The following IL13RA1 variants were observed in gnomAD, a reference collection of about 807,000 sequenced individuals.
IL13RA1 encodes the protein interleukin-13 receptor subunit alpha-1.
IL13RA1 carries 14 observed loss-of-function variants against 33.8 expected under a neutral mutation model. The ratio of observed to expected loss-of-function variants is 0.41; its 90% CI spans 0.27 to 0.65. The LOEUF (loss-of-function observed/expected upper bound fraction) is 0.65. IL13RA1 is among the 30% of genes least tolerant of loss of function. The pLI is 0.28. For missense variants in IL13RA1, 313 were observed against 327.0 expected (o/e 0.96, Z 0.33); for synonymous variants, 116 against 115.7 (o/e 1.00, Z -0.02).
chrX:118,737,716 G>C (rs2017297206), intron 1 of IL13RA1, among the ~76,000 whole-genome samples: 1 of 112,011 alleles, frequency 8.9e-6, no homozygotes, highest in Non-Finnish European at 1.9e-5. Context: ...GTTAAAGTAG[G>C]TTTTAAATTA....
chrX:118,758,369 A>T, intron 5 of IL13RA1, 127 bp downstream of exon 5: 1 of 362,796 alleles, frequency 2.8e-6, no homozygotes, highest in Non-Finnish European at 4.9e-6. Flanking sequence ...GACTATATTG[A>T]TGTATAACTT....
intron 2 of IL13RA1, among the ~76,000 whole-genome samples, chrX:118,743,290 G>T (rs1241098683): frequency 8.9e-6 from 1 of 112,018 alleles, no homozygotes; most frequent in Non-Finnish European, 1.9e-5. Context: ...ATGGCATTAT[G>T]ATAGTTTGTA....
At chrX:118,740,653 C>T (rs758166960) in intron 1 of IL13RA1, among the ~76,000 whole-genome samples, 9 of 111,847 alleles carry the variant, frequency 8.0e-5, no homozygotes, top group Non-Finnish European at 1.3e-4. Context: ...ATTAGCCAGG[C>T]GTGGTGGCAT....
At chrX:118,767,040 A>G (rs1341406241) in intron 8 of IL13RA1, 64 bp downstream of exon 8, 28 of 591,185 alleles carry the variant, frequency 4.7e-5, no homozygotes, top group Non-Finnish European at 6.9e-5. Flanking sequence ...GCTGAAGCAG[A>G]AAATAGACTG....
At chrX:118,738,246 G>A (rs768974575) in intron 1 of IL13RA1, 6 of 111,288 alleles carry the variant, frequency 5.4e-5, no homozygotes, top group African/African-American at 2.0e-4. Context: ...TAGATTAAAG[G>A]GTATATGCAC....
downstream of IL13RA1, among the ~76,000 whole-genome samples, chrX:118,797,956 C>T (rs1281739262): frequency 8.9e-6 from 1 of 112,021 alleles, no homozygotes; most frequent in Non-Finnish European, 1.9e-5. Context: ...TGCAGCCACA[C>T]TGTGCTGGAC....
At chrX:118,764,303 C>T (rs1480054606) in intron 6 of IL13RA1, among the ~76,000 whole-genome samples, 1 of 107,115 alleles carries the variant, frequency 9.3e-6, no homozygotes. Context: ...AGCCTAGAGA[C>T]GTAAATCTAC....
chrX:118,766,436 A>G (rs2017649614), intron 6 of IL13RA1, 94 bp from the exon 7 acceptor site: 1 of 486,061 alleles, frequency 2.1e-6, no homozygotes, highest in Non-Finnish European at 3.5e-6. Flanking sequence ...TTAATGGGAT[A>G]AAAGGAAAGC....
intron 4 of IL13RA1, among the ~76,000 whole-genome samples, chrX:118,755,807 G>A (rs1396714567): frequency 9.0e-6 from 1 of 111,721 alleles, no homozygotes; most frequent in Non-Finnish European, 1.9e-5. Flanking sequence ...TTGGCCATGG[G>A]CGGAAAACAT....
At chrX:118,772,883 G>C (rs960762116) in intron 8 of IL13RA1, among the ~76,000 whole-genome samples, 6 of 112,284 alleles carry the variant, frequency 5.3e-5, no homozygotes, top group African/African-American at 1.9e-4. Flanking sequence ...ATCCGTCTCA[G>C]ATCTTCTGGG....
intron 1 of IL13RA1, chrX:118,738,323 T>C (rs1489038626): frequency 8.9e-6 from 1 of 111,844 alleles, no homozygotes; most frequent in Non-Finnish European, 1.9e-5. Context: ...TCACCCAGGC[T>C]GTAACCATGG....
At chrX:118,771,831 G>T (rs1306979283) in intron 8 of IL13RA1, among the ~76,000 whole-genome samples, 1 of 111,305 alleles carries the variant, frequency 9.0e-6, no homozygotes, top group Non-Finnish European at 1.9e-5. Flanking sequence ...AAAATAAGCT[G>T]GGCATGGTGG....
chrX:118,786,296 C>G (rs1291343589), intron 10 of IL13RA1, among the ~76,000 whole-genome samples: 1 of 108,719 alleles, frequency 9.2e-6, no homozygotes, highest in Non-Finnish European at 1.9e-5. Flanking sequence ...GTGGCTGAGG[C>G]AAGGAGAATC....
At chrX:118,801,631 C>G in the IL13RA1 span, among the ~76,000 whole-genome samples, 1 of 112,264 alleles carries the variant, frequency 8.9e-6, no homozygotes, top group Admixed American at 9.4e-5. Context: ...CTGTAAAATG[C>G]TGATAAAAGG....
At chrX:118,771,847 G>C (rs2495625) in intron 8 of IL13RA1, among the ~76,000 whole-genome samples, 18,424 of 110,620 alleles carry the variant, frequency 0.17, 1,454 homozygotes, top group East Asian at 0.43. Context: ...GGTGGCAGAT[G>C]CCTGTAGTTC....
intron 8 of IL13RA1, among the ~76,000 whole-genome samples, chrX:118,771,459 G>T (rs2147390713): frequency 8.9e-6 from 1 of 112,273 alleles, no homozygotes; most frequent in East Asian, 2.8e-4. Flanking sequence ...TGAGATGCTT[G>T]AAACTGTGTT....
rs753568673 is a variant in IL13RA1 at position 118,761,273 on chromosome X, C to A, written c.812C>A (p.Thr271Lys). The part of the protein sequence containing the change: ...EVEVNNSQTE[T>K]HNVFYVQEAK... ...GAAGTCAATAACAGCCAAACTGAGA[C>A]ACATAATGTTTTCTACGTAAGGTTT... The change falls in exon 6 of 11, where the codon ACA (threonine) becomes AAA (lysine). Residue 271 changes from threonine to lysine, a missense_variant. Physicochemically the swap from Thr to Lys is moderately conservative, Grantham distance 78. Coordinates refer to ENST00000371666, the MANE Select transcript of IL13RA1 (RefSeq NM_001560.3). The A allele has an allele frequency of 1.1e-5, 11 of 1,030,253 alleles. No individual in the cohort carries two copies. The highest frequency in any genetic ancestry group is 2.9e-5 in the Admixed American group (1 of 34,786). 84.9% of individuals were successfully genotyped at this position (1,030,253 alleles called of 1,213,427 possible).
chrX:118,777,499 C>T (rs1728451283), intron 10 of IL13RA1, among the ~76,000 whole-genome samples: 1 of 111,987 alleles, frequency 8.9e-6, no homozygotes, highest in Non-Finnish European at 1.9e-5. Context: ...TTTATCAAAA[C>T]ATGCAGGAAG....
chrX:118,753,467 G>A (rs148242171), intron 4 of IL13RA1, among the ~76,000 whole-genome samples: 3,651 of 112,448 alleles, frequency 0.032, 72 homozygotes, highest in Non-Finnish European at 0.049. Flanking sequence ...ACTGGAGGTC[G>A]CTCAAGATGC....
Sources: allele counts gnomAD v4.1 joint callset (sites outside exome capture counted in the v4.1 genomes callset), GRCh38; gene constraint gnomAD v4.1.1; transcripts MANE v1.5; gene names NCBI Gene and HGNC (gene_info 2026-07-23, HGNC 2026-07-21).